Variants in GRIK4 observed in about 807,000 individuals in gnomAD.
GRIK4 encodes the protein glutamate receptor ionotropic, kainate 4.
GRIK4 carries 40 observed loss-of-function variants against 104.9 expected under a neutral mutation model. The ratio of observed to expected loss-of-function variants is 0.38; its 90% CI spans 0.30 to 0.50. The LOEUF (loss-of-function observed/expected upper bound fraction) is 0.50, where lower values mean the gene tolerates loss of function less well. Among genes scored for constraint, GRIK4 ranks in the 20% least tolerant of loss-of-function variants. The probability of loss-of-function intolerance (pLI) is 0.93; values close to 1 mark genes in which losing one functional copy is unlikely to be tolerated. For missense variants in GRIK4, 1,047 were observed against 1,308.1 expected (o/e 0.80, Z 3.08); for synonymous variants, 485 against 524.9 (o/e 0.92, Z 1.04).
chr11:120,580,727 C>T (rs1211842714), intron 1 of GRIK4, among the ~76,000 whole-genome samples: 1 of 152,124 alleles, frequency 6.6e-6, no homozygotes, highest in African/African-American at 2.4e-5. Flanking sequence ...AGCAACTGCA[C>T]CCGGTTTTGA....
chr11:120,771,465 G>A (rs1951940550), intron 3 of GRIK4, among the ~76,000 whole-genome samples: 1 of 152,196 alleles, frequency 6.6e-6, no homozygotes, highest in African/African-American at 2.4e-5. Flanking sequence ...TGAAGATGTG[G>A]CTTGGCTTAT....
chr11:120,848,712 C>G (rs1692480677), intron 8 of GRIK4, among the ~76,000 whole-genome samples: 1 of 152,120 alleles, frequency 6.6e-6, no homozygotes, highest in South Asian at 2.1e-4. Flanking sequence ...GAAGAATAGC[C>G]AGACACTGTA....
chr11:120,796,441 T>G (rs1952517791), intron 3 of GRIK4, among the ~76,000 whole-genome samples: 1 of 151,996 alleles, frequency 6.6e-6, no homozygotes, highest in Non-Finnish European at 1.5e-5. Flanking sequence ...CAGGTACAGA[T>G]AGAAGGATAA....
intron 11 of GRIK4, 33 bp from the exon 12 acceptor site, chr11:120,898,498 AT>A (rs1234851891): frequency 4.8e-6 from 6 of 1,256,596 alleles, no homozygotes; most frequent in Non-Finnish European, 5.8e-6. Flanking sequence ...GGAGGCCACC[AT>A]TTCTTCCCAG....
Position 120,831,870 on chromosome 11 carries a change from A to C in GRIK4, c.530A>C (p.Lys177Thr). 1.2e-6 allele frequency: 2 copies of C among 1,613,682 alleles called. No homozygotes were observed. The highest frequency in any genetic ancestry group is 1.7e-6 in the Non-Finnish European group (2 of 1,179,802). ...AKAECLLNLE[K>T]LLRQFLISKD... is the part of the protein sequence containing the mutation. ...CCTCCAGGCCTTTTAAACCTAGAGAAGCTGCTCCGGCAATTCCTTATCTCC... is the reference window on the plus strand; with the variant it reads ...CCTCCAGGCCTTTTAAACCTAGAGACGCTGCTCCGGCAATTCCTTATCTCC... The change falls in exon 7 of 21, where the codon AAG becomes ACG. Residue 177 changes from lysine to threonine, a missense_variant. Coordinates refer to ENST00000527524, the MANE Select transcript of GRIK4 (RefSeq NM_014619.5).
intron 8 of GRIK4, among the ~76,000 whole-genome samples, chr11:120,857,337 GC>G (rs1954131169): frequency 6.6e-6 from 1 of 152,166 alleles, no homozygotes; most frequent in South Asian, 2.1e-4. Context: ...AGTGAGGGGC[GC>G]CCTTCCACGT....
intron 3 of GRIK4, among the ~76,000 whole-genome samples, chr11:120,801,741 T>A (rs1422035597): frequency 6.6e-6 from 1 of 152,208 alleles, no homozygotes; most frequent in Non-Finnish European, 1.5e-5. Context: ...TTTTGTAACA[T>A]CTCCATCAAG....
Position 120,650,113 on chromosome 11 carries a change from T to A in GRIK4, c.-158-3572T>A, listed in dbSNP as rs1949598531. On this transcript the variant is annotated intron_variant, in intron 1 of 20. Coordinates refer to ENST00000527524, the MANE Select transcript of GRIK4 (RefSeq NM_014619.5). ...GGCCTCATCTTCCACCTCCCGTGGCTGGCAATGAGCTCTTCCTCCTCTCAC... is the reference window on the plus strand; with the variant it reads ...GGCCTCATCTTCCACCTCCCGTGGCAGGCAATGAGCTCTTCCTCCTCTCAC... Among the ~76,000 whole-genome samples the A allele has an allele frequency of 3.3e-5, 5 of 152,186 alleles. No individual in the cohort carries two copies. The South Asian group carries it at 1.0e-3, about 31-fold the overall frequency.
intron 3 of GRIK4, among the ~76,000 whole-genome samples, chr11:120,776,844 G>T (rs1201354207): frequency 6.6e-6 from 1 of 152,184 alleles, no homozygotes; most frequent in East Asian, 1.9e-4. Context: ...TTCACAGCAG[G>T]GCAGCCGGCT....
intron 1 of GRIK4, among the ~76,000 whole-genome samples, chr11:120,616,846 C>G (rs1448861724): frequency 6.6e-6 from 1 of 152,200 alleles, no homozygotes; most frequent in African/African-American, 2.4e-5. Context: ...ACTACAGTTA[C>G]CTGTACAAGT....
chr11:120,612,175 C>G (rs1949045691), intron 1 of GRIK4, among the ~76,000 whole-genome samples: 1 of 152,140 alleles, frequency 6.6e-6, no homozygotes, highest in African/African-American at 2.4e-5. Flanking sequence ...TGCGATACAC[C>G]TCGTATCTAT....
At chr11:120,763,268 A>T (rs116324528) in intron 3 of GRIK4, among the ~76,000 whole-genome samples, 5,373 of 152,074 alleles carry the variant, frequency 0.035, 140 homozygotes, top group Middle Eastern at 0.054. Context: ...GGTAGTTCGT[A>T]TTCTTTGGGA....
intron 1 of GRIK4, among the ~76,000 whole-genome samples, chr11:120,634,137 A>G (rs991849054): frequency 1.4e-4 from 22 of 152,186 alleles, no homozygotes; most frequent in African/African-American, 5.1e-4. Flanking sequence ...ATTAAGCACG[A>G]TAATATATGT....
chr11:120,930,500 GAAGTTAAGGTCA>G (rs1438789472), intron 13 of GRIK4, among the ~76,000 whole-genome samples: 5 of 152,180 alleles, frequency 3.3e-5, no homozygotes, highest in Admixed American at 1.3e-4. Context: ...GAGGCACAGA[GAAGTTAAGGTCA>G]CGCAGCTCAT....
At chr11:120,528,993 A>G (rs1411046066) in intron 1 of GRIK4, among the ~76,000 whole-genome samples, 2 of 152,120 alleles carry the variant, frequency 1.3e-5, no homozygotes, top group African/African-American at 4.8e-5. Context: ...TCCCTGCCTC[A>G]GGACCTTTGC....
At chr11:120,785,234 G>C (rs1007073275) in intron 3 of GRIK4, among the ~76,000 whole-genome samples, 3 of 152,236 alleles carry the variant, frequency 2.0e-5, no homozygotes, top group Admixed American at 6.5e-5. Flanking sequence ...GCACTGAACT[G>C]CCACAGTCGT....
intron 3 of GRIK4, among the ~76,000 whole-genome samples, chr11:120,737,910 A>G (rs1591849741): frequency 1.3e-5 from 2 of 152,318 alleles, no homozygotes; most frequent in East Asian, 3.9e-4. Context: ...TTCTGTATCT[A>G]TGTTTTATTT....
intron 1 of GRIK4, among the ~76,000 whole-genome samples, chr11:120,626,688 G>A (rs1415105721): frequency 8.5e-5 from 13 of 152,184 alleles, no homozygotes; most frequent in East Asian, 7.7e-4. Context: ...CTGCCTGAAC[G>A]CCCCATTTGG....
chr11:120,802,610 G>A (rs1952641026), intron 3 of GRIK4, 83 bp from the exon 4 acceptor site: 2 of 1,187,636 alleles, frequency 1.7e-6, no homozygotes, highest in African/African-American at 3.0e-5. Context: ...AGAGGAAGGT[G>A]GCAGCAGGGG....
Sources: allele counts gnomAD v4.1 joint callset (sites outside exome capture counted in the v4.1 genomes callset), GRCh38; gene constraint gnomAD v4.1.1; transcripts MANE v1.5; gene names NCBI Gene and HGNC (gene_info 2026-07-23, HGNC 2026-07-21).